Variants in RFWD3 observed in about 807,000 individuals in gnomAD.
The protein encoded by RFWD3 is E3 ubiquitin-protein ligase RFWD3.
A neutral mutation model predicts 87.7 loss-of-function variants in RFWD3; 65 were observed. That is an observed-to-expected ratio of 0.74 (90% confidence interval 0.61 to 0.91). The LOEUF (loss-of-function observed/expected upper bound fraction) is 0.91, where lower values mean the gene tolerates loss of function less well. Among genes scored for constraint, RFWD3 ranks in the 40% least tolerant of loss-of-function variants. The pLI, the probability that RFWD3 is intolerant of heterozygous loss-of-function variation, is 0.00. For synonymous variants in RFWD3, 433 were observed against 352.8 expected (o/e 1.23, Z -2.55); for missense variants, 1,078 against 938.5 (o/e 1.15, Z -1.94).
At chr16:74,632,129 G>A (rs565418001) in intron 9 of RFWD3, among the ~76,000 whole-genome samples, 43 of 151,630 alleles carry the variant, frequency 2.8e-4, no homozygotes, top group Non-Finnish European at 4.6e-4. Context: ...AGTGGCTCAC[G>A]CCTGTAATCC....
At chr16:74,645,615 A>C (rs557857123) in intron 4 of RFWD3, among the ~76,000 whole-genome samples, 2 of 152,276 alleles carry the variant, frequency 1.3e-5, no homozygotes, top group East Asian at 3.9e-4. Context: ...GGTCTCCCAA[A>C]GTGCTGGGAT....
chr16:74,652,006 C>A lies in RFWD3; in HGVS notation c.635G>T (p.Ser212Ile). Residue 212 changes from serine (S) to isoleucine (I), a missense_variant, in exon 3 of 13, where the codon AGT becomes ATT. By Grantham distance (142) the Ser-to-Ile change is moderately radical (BLOSUM62 -2). Coordinates refer to ENST00000361070, the MANE Select transcript of RFWD3 (RefSeq NM_018124.4). ...GCTGTCACTGTCAGAATCAGAACTA[C>A]TAGACACCTGCAACTCTTCAGATAC... ...NPVSEELQVS[S>I]SSDSDSDSSA... 6.2e-7 allele frequency: 1 copy of A among 1,614,108 alleles called. No individual in the cohort carries two copies. The highest frequency in any genetic ancestry group is 8.5e-7 in the Non-Finnish European group (1 of 1,180,002).
At chr16:74,660,666 T>C (rs1202234200) in intron 2 of RFWD3, 5 of 337,216 alleles carry the variant, frequency 1.5e-5, no homozygotes, top group Non-Finnish European at 2.7e-5. Context: ...GAATTTTTGG[T>C]GTACAAGACA....
At chr16:74,633,907 AC>A (rs964111803) in intron 8 of RFWD3, among the ~76,000 whole-genome samples, 1 of 149,314 alleles carries the variant, frequency 6.7e-6, no homozygotes, top group Admixed American at 6.8e-5. Flanking sequence ...CTGAGATCAC[AC>A]CCCTCCCTGC....
chr16:74,639,975 AT>A, intron 6 of RFWD3, among the ~76,000 whole-genome samples: 2 of 151,884 alleles, frequency 1.3e-5, no homozygotes. Context: ...GCTCTATTTT[AT>A]TATTTATTAT....
intron 1 of RFWD3, among the ~76,000 whole-genome samples, 193 bp from the exon 2 acceptor site, chr16:74,661,644 T>C (rs1382894795): frequency 6.6e-6 from 1 of 152,184 alleles, no homozygotes; most frequent in Non-Finnish European, 1.5e-5. Flanking sequence ...ATAACAAGCA[T>C]TTATAACCAG....
intron 12 of RFWD3, among the ~76,000 whole-genome samples, chr16:74,624,780 G>C (rs1958872911): frequency 6.6e-6 from 1 of 152,204 alleles, no homozygotes; most frequent in African/African-American, 2.4e-5. Flanking sequence ...AGGACAGCTT[G>C]AGGATAGGAG....
chr16:74,651,077 C>G (rs1187664016), intron 3 of RFWD3, among the ~76,000 whole-genome samples: 1 of 152,122 alleles, frequency 6.6e-6, no homozygotes, highest in African/African-American at 2.4e-5. Flanking sequence ...TAAATATGAA[C>G]TTAAAGATTT....
In RFWD3 at chr16:74,622,201, A is replaced by G. The variant is rs1460847203; in HGVS notation, c.*1727T>C. 6.6e-6 allele frequency: 1 copy of G among 152,176 alleles called. No homozygotes were observed. The highest frequency in any genetic ancestry group is 2.4e-5 in the African/African-American group (1 of 41,436). 9.4% of individuals were successfully genotyped at this position (152,176 alleles called of 1,614,324 possible). ...GAAGCCAGATGAGTTCTGCTTTTTA[A>G]TTCCAATCCTATTCTGCCACTGAAA... On this transcript the variant is annotated 3_prime_UTR_variant, in exon 13 of 13. Coordinates refer to ENST00000361070, the MANE Select transcript of RFWD3 (RefSeq NM_018124.4).
intron 1 of RFWD3, among the ~76,000 whole-genome samples, chr16:74,665,730 G>C (rs866501546): frequency 6.6e-6 from 1 of 151,522 alleles, no homozygotes; most frequent in African/African-American, 2.4e-5. Flanking sequence ...GGTGCAACAG[G>C]GAGACTTTTC....
Position 74,636,509 on chromosome 16 carries a change from G to C in RFWD3, c.1263C>G (p.Val421=). ...LQQPRGSQAW[V]LSCSPSSQGQ... Reference sequence around the variant, plus strand: ...CCTGGCTGGAGGGTGAGCAGCTCAGGACCCATGCTTGGGAGCCCCTGGGTT... The same window carrying C: ...CCTGGCTGGAGGGTGAGCAGCTCAGCACCCATGCTTGGGAGCCCCTGGGTT... The change falls in exon 8 of 13, where the codon GTC becomes GTG. Residue 421 remains valine (V), a synonymous_variant. Coordinates refer to ENST00000361070, the MANE Select transcript of RFWD3 (RefSeq NM_018124.4). 6.2e-7 allele frequency: 1 copy of C among 1,614,022 alleles called. No homozygotes were observed. Among genetic ancestry groups the C allele is most frequent in the South Asian group, 1.1e-5 (1 of 91,044 alleles).
rs985716662 is a variant in RFWD3 at position 74,637,088 on chromosome 16, A to G, written c.1195-511T>C. Reference sequence around the variant, plus strand: ...GCACAGAATCATAATATGAGGGTTGAAAGTCCTTAATGGTGGTTTCGTTTA... The same window carrying G: ...GCACAGAATCATAATATGAGGGTTGGAAGTCCTTAATGGTGGTTTCGTTTA... On this transcript the variant is annotated intron_variant, in intron 7 of 12. Transcript: ENST00000361070. Among the ~76,000 whole-genome samples, 3 of 149,970 alleles carry G rather than the reference A, an allele frequency of 2.0e-5. No individual in the cohort carries two copies. In the Admixed American group the frequency reaches 2.0e-4, roughly 10 times the overall value.
chr16:74,624,635 G>A (rs529909100), intron 12 of RFWD3, among the ~76,000 whole-genome samples: 9 of 152,302 alleles, frequency 5.9e-5, no homozygotes, highest in African/African-American at 2.2e-4. Flanking sequence ...GACCTCAGGT[G>A]ATCCACCCAC....
In RFWD3 at chr16:74,659,015, C is replaced by T. The variant is rs548675005; in HGVS notation, c.518+1917G>A. 2.7e-4 allele frequency among the ~76,000 whole-genome samples: 41 copies of T among 152,258 alleles called. No homozygotes were observed. The South Asian group carries it at 5.2e-3, about 19-fold the overall frequency. On this transcript the variant is annotated intron_variant, in intron 2 of 12. Transcript: ENST00000361070. ...CCTAAAGGGATCCGCCTGCCTTGGC[C>T]GCTCAAAGTTCTGAGATTACAGGCG...
intron 3 of RFWD3, among the ~76,000 whole-genome samples, chr16:74,650,353 CTT>C (rs781708043): frequency 6.7e-5 from 9 of 133,334 alleles, no homozygotes; most frequent in Non-Finnish European, 9.8e-5. Flanking sequence ...AGATTCAGGG[CTT>C]TTTTTTTTTT....
intron 1 of RFWD3, among the ~76,000 whole-genome samples, chr16:74,663,290 G>C (rs373129903): frequency 1.3e-3 from 197 of 152,304 alleles, no homozygotes; most frequent in African/African-American, 4.7e-3. Context: ...TAAAGTCAGA[G>C]ACACTACTGT....
chr16:74,664,610 G>C (rs1466063609), intron 1 of RFWD3: 1 of 152,172 alleles, frequency 6.6e-6, no homozygotes, highest in East Asian at 1.9e-4. Flanking sequence ...TTAGCCAGCC[G>C]TGATGGTGTG....
At chr16:74,641,225 C>T (rs1254126820) in intron 6 of RFWD3, among the ~76,000 whole-genome samples, 1 of 151,472 alleles carries the variant, frequency 6.6e-6, no homozygotes, top group Non-Finnish European at 1.5e-5. Flanking sequence ...TGCAATGGTG[C>T]GACCTCGGCT....
chr16:74,649,780 A>C (rs1960432515), intron 3 of RFWD3, among the ~76,000 whole-genome samples: 1 of 152,150 alleles, frequency 6.6e-6, no homozygotes. Flanking sequence ...GATGTCTCTT[A>C]AGTCTTTTTC....
Sources: gnomAD v4.1 joint callset for allele counts (sites outside exome capture counted in the v4.1 genomes callset) on GRCh38, gnomAD v4.1.1 for gene constraint, MANE v1.5 for transcripts, NCBI Gene and HGNC (gene_info 2026-07-23, HGNC 2026-07-21) for gene names.